XPR1: variants seen among roughly 807,000 people sequenced by gnomAD.
XPR1 encodes the protein xenotropic and polytropic retrovirus receptor 1, also known as solute carrier family 53 member 1.
A neutral mutation model predicts 87.5 loss-of-function variants in XPR1; 28 were observed. The observed-to-expected ratio is 0.32, with a 90% CI of 0.24 to 0.44. The LOEUF (loss-of-function observed/expected upper bound fraction) is 0.44, where lower values mean the gene tolerates loss of function less well. Among genes scored for constraint, XPR1 ranks in the 20% least tolerant of loss-of-function variants. The pLI is 1.00. For missense variants in XPR1, 559 were observed against 862.3 expected, an observed-to-expected ratio of 0.65 and a Z score of 4.41; for synonymous variants, 300 against 306.1, an observed-to-expected ratio of 0.98 and a Z score of 0.21.
At chr1:180,773,329 A>C (rs926307491) in intron 2 of XPR1, among the ~76,000 whole-genome samples, 1 of 152,162 alleles carries the variant, frequency 6.6e-6, no homozygotes, top group African/African-American at 2.4e-5. Flanking sequence ...AGGAACTGAA[A>C]ATTGCTCAGG....
chr1:180,854,009 AG>A (rs543868056), intron 11 of XPR1, among the ~76,000 whole-genome samples: 487 of 152,266 alleles, frequency 3.2e-3, no homozygotes, highest in Non-Finnish European at 5.0e-3. Context: ...TTTGTTGTAA[AG>A]GAAAAAAATG....
At chr1:180,851,936 T>G (rs74406985) in intron 11 of XPR1, among the ~76,000 whole-genome samples, 3,203 of 151,814 alleles carry the variant, frequency 0.021, 110 homozygotes, top group African/African-American at 0.073. Flanking sequence ...ATTACATCAG[T>G]CACATCCAGT....
At chr1:180,691,330 T>C (rs1173767985) in intron 2 of XPR1, among the ~76,000 whole-genome samples, 1 of 152,202 alleles carries the variant, frequency 6.6e-6, no homozygotes. Context: ...TTTTTTGATA[T>C]ATATCTACTC....
In XPR1 at chr1:180,768,529, T is replaced by A. The variant is rs575635581; in HGVS notation, c.122-19224T>A. ...AAGGATTTTTGTGAGGAGGATTTTG[T>A]ACAATGAAATGATAATAATCAGCCC... On this transcript the variant is annotated intron_variant, in intron 2 of 14. Transcript: ENST00000367590. Among the ~76,000 whole-genome samples, 295 of 152,352 alleles carry A rather than the reference T, an allele frequency of 1.9e-3. 1 individual carries two copies. Among genetic ancestry groups the A allele is most frequent in the African/African-American group, 6.0e-3 (251 of 41,584 alleles).
intron 11 of XPR1, among the ~76,000 whole-genome samples, chr1:180,837,894 A>G (rs1651358112): frequency 1.3e-5 from 2 of 152,320 alleles, no homozygotes; most frequent in Middle Eastern, 3.4e-3. Context: ...CCATTTACTA[A>G]GTTATAAAGA....
chr1:180,681,470 T>C (rs767039165), intron 1 of XPR1, among the ~76,000 whole-genome samples: 2 of 151,904 alleles, frequency 1.3e-5, no homozygotes, highest in Non-Finnish European at 2.9e-5. Context: ...ACGGTGAAAC[T>C]CTGTCTCTAC....
intron 13 of XPR1, among the ~76,000 whole-genome samples, chr1:180,875,508 C>CA (rs1167673409): frequency 0.037 from 2,294 of 61,186 alleles, 24 homozygotes; most frequent in Middle Eastern, 0.08. Flanking sequence ...GACTCCGTCT[C>CA]AAAAAAAAAA....
At chr1:180,640,358 G>A (rs576570726) in intron 1 of XPR1, among the ~76,000 whole-genome samples, 1 of 152,288 alleles carries the variant, frequency 6.6e-6, no homozygotes, top group South Asian at 2.1e-4. Context: ...TATAGCGTAG[G>A]TTGTTAGCTC....
chr1:180,779,041 C>T (rs1482055701), intron 2 of XPR1, among the ~76,000 whole-genome samples: 1 of 152,170 alleles, frequency 6.6e-6, no homozygotes, highest in African/African-American at 2.4e-5. Flanking sequence ...CTTTAGGCAT[C>T]TCAGTTTCTT....
chr1:180,862,291 TC>T (rs1357221576), intron 11 of XPR1, among the ~76,000 whole-genome samples: 2 of 152,068 alleles, frequency 1.3e-5, no homozygotes, highest in African/African-American at 2.4e-5. Flanking sequence ...CCCAGATGAG[TC>T]TTTTTCAGCC....
intron 2 of XPR1, among the ~76,000 whole-genome samples, chr1:180,752,283 G>A (rs1035980605): frequency 6.6e-6 from 1 of 151,960 alleles, no homozygotes; most frequent in East Asian, 1.9e-4. Flanking sequence ...ATTTTAAAAA[G>A]GATTATTTAT....
rs375994297 is a variant in XPR1, at chr1:180,844,971, T to G, written c.1501+8255T>G. Among the ~76,000 whole-genome samples the G allele has an allele frequency of 2.6e-5, 4 of 152,286 alleles. No homozygotes were observed. The East Asian group carries it at 5.8e-4, about 22-fold the overall frequency. On this transcript the variant is annotated intron_variant, in intron 11 of 14. Coordinates refer to ENST00000367590, the MANE Select transcript of XPR1 (RefSeq NM_004736.4). Reference sequence around the variant, plus strand: ...TATACTTCTGCCATGGAAACAGGGATGGGCTGAAAGGGAGAGAAGAGTTTT... The same window carrying G: ...TATACTTCTGCCATGGAAACAGGGAGGGGCTGAAAGGGAGAGAAGAGTTTT...
intron 2 of XPR1, among the ~76,000 whole-genome samples, chr1:180,692,969 T>C (rs1013022236): frequency 6.6e-6 from 1 of 152,212 alleles, no homozygotes; most frequent in Non-Finnish European, 1.5e-5. Flanking sequence ...GTCACTAATA[T>C]ATGAAGTCAC....
At chr1:180,706,883 G>A (rs903105525) in intron 2 of XPR1, among the ~76,000 whole-genome samples, 19 of 152,128 alleles carry the variant, frequency 1.2e-4, no homozygotes, top group Non-Finnish European at 4.4e-5. Context: ...ATCCCAAAGT[G>A]TTGGGATTAC....
chr1:180,760,064 C>T (rs915780578), intron 2 of XPR1, among the ~76,000 whole-genome samples: 3 of 150,772 alleles, frequency 2.0e-5, no homozygotes, highest in Non-Finnish European at 1.5e-5. Context: ...AATTCAGCAA[C>T]CCTTCATGCT....
chr1:180,735,152 T>G (rs911106315), intron 2 of XPR1, among the ~76,000 whole-genome samples: 4 of 152,232 alleles, frequency 2.6e-5, no homozygotes, highest in Admixed American at 2.6e-4. Context: ...TCAGACAGAA[T>G]GTGTCTGTTC....
intron 11 of XPR1, among the ~76,000 whole-genome samples, chr1:180,839,946 G>A (rs1041749445): frequency 1.1e-4 from 17 of 151,252 alleles, no homozygotes; most frequent in African/African-American, 3.9e-4. Flanking sequence ...GCCCTCGGCC[G>A]GGCGCGGTGG....
At chr1:180,842,724 CATTAT>C in intron 11 of XPR1, among the ~76,000 whole-genome samples, 1 of 152,188 alleles carries the variant, frequency 6.6e-6, no homozygotes, top group Non-Finnish European at 1.5e-5. Context: ...TAGAAAAGGC[CATTAT>C]GTTGTTCTTT....
chr1:180,831,013 T>A (rs1012446516), intron 9 of XPR1, among the ~76,000 whole-genome samples: 1 of 152,240 alleles, frequency 6.6e-6, no homozygotes, highest in Non-Finnish European at 1.5e-5. Context: ...CCCAATACAT[T>A]TAATACATTT....
Sources: gnomAD v4.1 joint callset for allele counts (sites outside exome capture counted in the v4.1 genomes callset) on GRCh38, gnomAD v4.1.1 for gene constraint, MANE v1.5 for transcripts, NCBI Gene and HGNC (gene_info 2026-07-23, HGNC 2026-07-21) for gene names.